The following VDAC1 variants were observed in gnomAD, a reference collection of about 807,000 sequenced individuals.
VDAC1 encodes the protein non-selective voltage-gated ion channel VDAC1.
In VDAC1, 10 loss-of-function variants were observed where a neutral mutation model predicts 34.7. The observed-to-expected ratio is 0.29, with a 90% confidence interval of 0.18 to 0.49. The LOEUF (loss-of-function observed/expected upper bound fraction) is 0.49. VDAC1 is among the 20% of genes least tolerant of loss of function. The pLI, the probability that VDAC1 is intolerant of heterozygous loss-of-function variation, is 0.99. For missense variants in VDAC1, 230 were observed against 347.9 expected (o/e 0.66, Z 2.69); for synonymous variants, 130 against 136.0 (o/e 0.96, Z 0.30).
At chr5:134,106,426 T>C in the VDAC1 span, among the ~76,000 whole-genome samples, 1 of 151,350 alleles carries the variant, frequency 6.6e-6, no homozygotes, top group Non-Finnish European at 1.5e-5. Context: ...TTTTTTTTTT[T>C]AAATGGAGTC....
the VDAC1 span, among the ~76,000 whole-genome samples, chr5:134,094,347 C>T: frequency 1.3e-5 from 2 of 152,160 alleles, no homozygotes; most frequent in Non-Finnish European, 2.9e-5. Context: ...GGTAGCGGAA[C>T]GACGACAGAG....
chr5:134,083,316 G>A, the VDAC1 span, among the ~76,000 whole-genome samples: 1 of 151,612 alleles, frequency 6.6e-6, no homozygotes, highest in Admixed American at 6.6e-5. Flanking sequence ...AGCCTCCCGA[G>A]TAGCTGGGAC....
chr5:134,039,673 C>A, the VDAC1 span, among the ~76,000 whole-genome samples: 1 of 152,150 alleles, frequency 6.6e-6, no homozygotes, highest in African/African-American at 2.4e-5. Context: ...CTACTGAGAA[C>A]CCTCTGTGCC....
chr5:133,986,374 T>C (rs1258607602), intron 5 of VDAC1, among the ~76,000 whole-genome samples: 1 of 152,108 alleles, frequency 6.6e-6, no homozygotes, highest in Non-Finnish European at 1.5e-5. Context: ...AGTAGCATTA[T>C]GTACATCTAG....
chr5:134,020,199 A>G, the VDAC1 span, among the ~76,000 whole-genome samples: 2 of 152,004 alleles, frequency 1.3e-5, no homozygotes, highest in Admixed American at 6.6e-5. Context: ...CCACAGATAA[A>G]GCCTTTCCTG....
the VDAC1 span, among the ~76,000 whole-genome samples, chr5:134,015,180 A>G: frequency 6.6e-6 from 1 of 151,610 alleles, no homozygotes; most frequent in African/African-American, 2.4e-5. Context: ...GGACATAAAT[A>G]TGGGAACAAT....
the VDAC1 span, among the ~76,000 whole-genome samples, chr5:134,080,807 G>C: frequency 6.6e-6 from 1 of 152,136 alleles, no homozygotes; most frequent in Non-Finnish European, 1.5e-5. Context: ...TATTTAAAGT[G>C]TATAACTGAC....
At chr5:134,018,745 G>T in the VDAC1 span, among the ~76,000 whole-genome samples, 4 of 152,188 alleles carry the variant, frequency 2.6e-5, no homozygotes, top group Non-Finnish European at 5.9e-5. Flanking sequence ...GGCCACATTG[G>T]ATAAACTAAT....
the VDAC1 span, among the ~76,000 whole-genome samples, chr5:134,017,576 T>C: frequency 0.017 from 2,560 of 152,312 alleles, 27 homozygotes; most frequent in Non-Finnish European, 0.026. Context: ...TGCCATATCT[T>C]AGGTATTACT....
the VDAC1 span, among the ~76,000 whole-genome samples, chr5:134,067,615 A>G: frequency 9.3e-6 from 1 of 107,232 alleles, no homozygotes; most frequent in African/African-American, 3.0e-5. Context: ...TCTTTTTTAA[A>G]AAAAGAAGAA....
intron 7 of VDAC1, among the ~76,000 whole-genome samples, chr5:133,974,925 A>T (rs551968430): frequency 2.0e-5 from 3 of 150,870 alleles, no homozygotes; most frequent in African/African-American, 7.3e-5. Flanking sequence ...ATTGCACTCC[A>T]GCCTGGGCAA....
intron 1 of VDAC1, among the ~76,000 whole-genome samples, chr5:134,002,802 T>G (rs549462486): frequency 6.6e-6 from 1 of 152,104 alleles, no homozygotes; most frequent in African/African-American, 2.4e-5. Context: ...CCGACTCTAC[T>G]AAAAATACAA....
At chr5:134,007,014 C>T (rs563993903), upstream of VDAC1, among the ~76,000 whole-genome samples, 10 of 151,938 alleles carry the variant, frequency 6.6e-5, no homozygotes, top group African/African-American at 2.4e-4. Context: ...GAGGCTGAGG[C>T]GGCTGGATCA....
At chr5:134,048,639 G>A in the VDAC1 span, among the ~76,000 whole-genome samples, 1 of 152,088 alleles carries the variant, frequency 6.6e-6, no homozygotes, top group South Asian at 2.1e-4. Flanking sequence ...AGAAAACTGG[G>A]CCATAATGAA....
intron 6 of VDAC1, 40 bp downstream of exon 6, chr5:133,980,689 A>ACGCCCC: frequency 1.8e-6 from 1 of 564,058 alleles, no homozygotes. Context: ...ACATGCTCCA[A>ACGCCCC]CCCCACCCCT....
chr5:134,083,180 CT>C, the VDAC1 span, among the ~76,000 whole-genome samples: 4 of 141,174 alleles, frequency 2.8e-5, no homozygotes, highest in Non-Finnish European at 3.1e-5. Context: ...TTTTCTTTTT[CT>C]TTTTTTTTCT....
chr5:134,014,795 G>T, the VDAC1 span, among the ~76,000 whole-genome samples: 2 of 152,152 alleles, frequency 1.3e-5, no homozygotes, highest in African/African-American at 2.4e-5. Context: ...GAACCTGGGA[G>T]GTGGAGGTTT....
At chr5:134,066,766 A>G in the VDAC1 span, among the ~76,000 whole-genome samples, 2 of 152,202 alleles carry the variant, frequency 1.3e-5, no homozygotes, top group Non-Finnish European at 2.9e-5. Context: ...CAATTAGAAG[A>G]GGAAAAGGAG....
At chr5:134,087,036 G>A in the VDAC1 span, among the ~76,000 whole-genome samples, 11 of 152,268 alleles carry the variant, frequency 7.2e-5, no homozygotes, top group Non-Finnish European at 1.3e-4. Flanking sequence ...TGAGGGCGGC[G>A]TGCGGTGGGA....
Sources: gnomAD v4.1 joint callset for allele counts (sites outside exome capture counted in the v4.1 genomes callset) on GRCh38, gnomAD v4.1.1 for gene constraint, MANE v1.5 for transcripts, NCBI Gene and HGNC (gene_info 2026-07-23, HGNC 2026-07-21) for gene names.